PECAM1: variants seen among roughly 807,000 people sequenced by gnomAD.
PECAM1 encodes platelet endothelial cell adhesion molecule.
Under a neutral mutation model 13.8 loss-of-function variants are expected in PECAM1, and 8 were observed. The ratio of observed to expected loss-of-function variants is 0.58; its 90% CI spans 0.34 to 1.05. PECAM1 has a LOEUF of 1.05. Among genes scored for constraint, PECAM1 ranks in the 50% least tolerant of loss-of-function variants. The pLI is 0.03. For synonymous variants in PECAM1, 136 were observed against 52.6 expected, an observed-to-expected ratio of 2.58 and a Z score of -6.86; for missense variants, 304 against 141.2, an observed-to-expected ratio of 2.15 and a Z score of -5.84.
intron 4 of PECAM1, among the ~76,000 whole-genome samples, chr17:64,371,933 G>T (rs1244972538): frequency 6.6e-6 from 1 of 152,164 alleles, no homozygotes; most frequent in Non-Finnish European, 1.5e-5. Context: ...TGTGGCACTG[G>T]AGTTTTGTGA....
chr17:64,328,737 C>G (rs1013595965), intron 15 of PECAM1, among the ~76,000 whole-genome samples: 13 of 152,216 alleles, frequency 8.5e-5, no homozygotes, highest in African/African-American at 3.1e-4. Flanking sequence ...AGAAATCTTG[C>G]TGAAAGTTCT....
chr17:64,379,893 C>G (rs1221260402), intron 2 of PECAM1, among the ~76,000 whole-genome samples: 1 of 151,694 alleles, frequency 6.6e-6, no homozygotes, highest in East Asian at 1.9e-4. Context: ...GGCATGATGG[C>G]ATGTGTCTGT....
chr17:64,350,729 C>T (rs1424351492), intron 11 of PECAM1, among the ~76,000 whole-genome samples: 3 of 151,346 alleles, frequency 2.0e-5, no homozygotes, highest in African/African-American at 4.9e-5. Flanking sequence ...GCAGCCTCCT[C>T]CTCCCAGATT....
Position 64,321,932 on chromosome 17 carries a change from C to G in PECAM1, c.*1884G>C. On this transcript the variant is annotated 3_prime_UTR_variant, in exon 16 of 16. Coordinates refer to ENST00000563924, the MANE Select transcript of PECAM1 (RefSeq NM_000442.5). ...GCTGTCCCCAGATCATCAACAGAGA[C>G]ATGAAGGTCGTTAGAGGTCGTCTGA... 7.5e-7 allele frequency: 1 copy of G among 1,328,342 alleles called. No individual in the cohort carries two copies. The highest frequency in any genetic ancestry group is 1.0e-6 in the Non-Finnish European group (1 of 1,002,360). The allele number at this position is 1,328,342 out of a possible 1,614,324, so 82.3% of individuals were successfully genotyped here.
At chr17:64,361,027 CT>C (rs1350380907) in intron 6 of PECAM1, among the ~76,000 whole-genome samples, 1 of 150,896 alleles carries the variant, frequency 6.6e-6, no homozygotes, top group Non-Finnish European at 1.5e-5. Context: ...TCACTATGTG[CT>C]CAGGCTGGTC....
rs2143932642 is a variant in PECAM1 at position 64,390,627 on chromosome 17, A to C, written c.39T>G (p.Leu13=). The C allele has an allele frequency of 6.4e-6, 3 of 471,940 alleles. No individual in the cohort carries two copies. In the East Asian group the frequency reaches 9.4e-5, roughly 15 times the overall value. 29.2% of individuals were successfully genotyped at this position (471,940 alleles called of 1,614,324 possible). ...PRWAQGATMW[L]GVLLTLLLCS... Reference sequence around the variant, plus strand: ...AGAGCAGAAGGGTCAGCAGGACTCCAAGCCACATCGTGGCCCCTTGGGCCC... The same window carrying C: ...AGAGCAGAAGGGTCAGCAGGACTCCCAGCCACATCGTGGCCCCTTGGGCCC... The change falls in exon 1 of 16, where the codon CTT becomes CTG. Residue 13 remains leucine, a synonymous_variant. Coordinates refer to ENST00000563924, the MANE Select transcript of PECAM1 (RefSeq NM_000442.5).
chr17:64,338,682 C>T (rs1038686709), intron 14 of PECAM1, among the ~76,000 whole-genome samples: 7 of 152,190 alleles, frequency 4.6e-5, no homozygotes, highest in African/African-American at 9.6e-5. Flanking sequence ...CTCAACCTCC[C>T]GAGGAGCTGG....
intron 7 of PECAM1, 106 bp from the exon 8 acceptor site, chr17:64,356,504 C>T (rs1412161210): frequency 7.4e-6 from 3 of 404,986 alleles, no homozygotes; most frequent in Non-Finnish European, 1.3e-5. Context: ...GACAGAGTCC[C>T]GCTCTTATCA....
In PECAM1 at chr17:64,321,547, C is replaced by T. The variant is rs1051450706; in HGVS notation, c.*2269G>A. The T allele has an allele frequency of 5.7e-6, 4 of 704,732 alleles. No homozygotes were observed. Among genetic ancestry groups the T allele is most frequent in the Non-Finnish European group, 7.1e-6 (4 of 559,814 alleles). 43.7% of individuals were successfully genotyped at this position (704,732 alleles called of 1,614,324 possible). A position where few individuals can be genotyped will look rare whatever the true frequency, so the allele number is the denominator to read the frequency against. ...CCAAGGAGGGAGGATCACTTGAGCCCAGAAGTTCGAGACCAGCCTGGGCAC... is the reference window on the plus strand; with the variant it reads ...CCAAGGAGGGAGGATCACTTGAGCCTAGAAGTTCGAGACCAGCCTGGGCAC... On this transcript the variant is annotated 3_prime_UTR_variant, in exon 16 of 16. Transcript: ENST00000563924.
chr17:64,359,039 C>A (rs2035912272), intron 7 of PECAM1, among the ~76,000 whole-genome samples: 3 of 152,088 alleles, frequency 2.0e-5, no homozygotes, highest in African/African-American at 7.2e-5. Flanking sequence ...CTCAGGTGAT[C>A]CGCCCACCTC....
chr17:64,330,778 C>G (rs2035092711), intron 14 of PECAM1, among the ~76,000 whole-genome samples: 2 of 151,110 alleles, frequency 1.3e-5, no homozygotes, highest in Admixed American at 1.3e-4. Context: ...TCATTTTCCA[C>G]TACGATTTGG....
chr17:64,342,291 G>A (rs923091957), intron 13 of PECAM1, among the ~76,000 whole-genome samples: 4 of 152,184 alleles, frequency 2.6e-5, no homozygotes, highest in Admixed American at 2.6e-4. Flanking sequence ...CGGATGGAGA[G>A]GCCCCCAGCA....
intron 5 of PECAM1, among the ~76,000 whole-genome samples, chr17:64,367,536 G>C (rs2036137201): frequency 7.8e-6 from 1 of 127,786 alleles, no homozygotes; most frequent in African/African-American, 2.9e-5. Context: ...GGCAACAAGA[G>C]CAAAACTCCA....
At chr17:64,357,854 T>A (rs2035880041) in intron 7 of PECAM1, among the ~76,000 whole-genome samples, 1 of 152,170 alleles carries the variant, frequency 6.6e-6, no homozygotes, top group African/African-American at 2.4e-5. Context: ...CATTAGCCTC[T>A]AACGTACCAT....
rs1011102664 is a variant in PECAM1 at position 64,375,191 on chromosome 17, C to G, written c.551G>C (p.Arg184Pro). Residue 184 changes from arginine (R) to proline (P), a missense_variant, in exon 4 of 16, where the codon CGA becomes CCA. Transcript: ENST00000563924. Reference sequence around the variant, plus strand: ...TTCCAGTATCACAAAATTCTGGTCTCGAGAATTCTTCTCTCTTTTCAGCTT... The same window carrying G: ...TTCCAGTATCACAAAATTCTGGTCTGGAGAATTCTTCTCTCTTTTCAGCTT... ...MVKLKREKNSRDQNFVILEFP... is the reference protein window; with the variant it reads ...MVKLKREKNSPDQNFVILEFP... The G allele has an allele frequency of 6.3e-6, 3 of 475,250 alleles. No homozygotes were observed. Among genetic ancestry groups the G allele is most frequent in the Admixed American group, 6.3e-5 (2 of 31,722 alleles). The allele number at this position is 475,250 out of a possible 1,614,324, so 29.4% of individuals were successfully genotyped here.
intron 5 of PECAM1, among the ~76,000 whole-genome samples, chr17:64,367,876 G>A (rs2036147296): frequency 6.6e-6 from 1 of 152,076 alleles, no homozygotes. Context: ...CAAAATATAA[G>A]TCATGATCAA....
At chr17:64,339,813 A>G (rs2035379332) in intron 14 of PECAM1, among the ~76,000 whole-genome samples, 1 of 152,230 alleles carries the variant, frequency 6.6e-6, no homozygotes, top group African/African-American at 2.4e-5. Flanking sequence ...TCGCTATTTC[A>G]GATAAAAAGC....
At chr17:64,365,713 G>A (rs1287895395) in intron 5 of PECAM1, among the ~76,000 whole-genome samples, 1 of 150,662 alleles carries the variant, frequency 6.6e-6, no homozygotes, top group Non-Finnish European at 1.5e-5. Context: ...AGAAAAACAA[G>A]CAATGGGGAA....
At chr17:64,372,449 A>G (rs1246263017) in intron 4 of PECAM1, among the ~76,000 whole-genome samples, 1 of 152,132 alleles carries the variant, frequency 6.6e-6, no homozygotes, top group African/African-American at 2.4e-5. Context: ...TACTATGCAA[A>G]TATTTTCTCC....
Sources: allele counts gnomAD v4.1 joint callset (sites outside exome capture counted in the v4.1 genomes callset), GRCh38; gene constraint gnomAD v4.1.1; transcripts MANE v1.5; gene names NCBI Gene and HGNC (gene_info 2026-07-23, HGNC 2026-07-21).